Variants in JAKMIP2 observed in about 807,000 individuals in gnomAD.
The protein encoded by JAKMIP2 is janus kinase and microtubule-interacting protein 2.
Under a neutral mutation model 115.0 loss-of-function variants are expected in JAKMIP2, and 25 were observed. That is an observed-to-expected ratio of 0.22 (90% CI 0.16 to 0.30). The LOEUF (loss-of-function observed/expected upper bound fraction) is 0.30, where lower values mean the gene tolerates loss of function less well. Among genes scored for constraint, JAKMIP2 ranks in the 10% least tolerant of loss-of-function variants. The pLI is 1.00. For synonymous variants in JAKMIP2, 334 were observed against 343.6 expected (o/e 0.97, Z 0.31); for missense variants, 642 against 957.6 (o/e 0.67, Z 4.35).
At chr5:147,637,861 C>T (rs1757698251) in intron 10 of JAKMIP2, among the ~76,000 whole-genome samples, 1 of 151,982 alleles carries the variant, frequency 6.6e-6, no homozygotes, top group South Asian at 2.1e-4. Context: ...ACTTTGTTGT[C>T]CTATGTGATT....
intron 21 of JAKMIP2, among the ~76,000 whole-genome samples, chr5:147,592,948 A>T (rs1468478941): frequency 6.6e-6 from 1 of 152,186 alleles, no homozygotes; most frequent in African/African-American, 2.4e-5. Context: ...GTCACAGAGG[A>T]GAACCTGTGG....
chr5:147,604,800 TTTATTATTATTATTATTATTA>T (rs145441560), intron 20 of JAKMIP2, among the ~76,000 whole-genome samples: 3 of 143,548 alleles, frequency 2.1e-5, no homozygotes, highest in South Asian at 2.3e-4. Flanking sequence ...GGCCAGACAT[TTTATTATTATTATTATTATTA>T]TTATTATTAT....
At chr5:147,770,336 A>G (rs149923684) in intron 1 of JAKMIP2, among the ~76,000 whole-genome samples, 2 of 152,184 alleles carry the variant, frequency 1.3e-5, no homozygotes, top group East Asian at 3.9e-4. Context: ...CCTGGGTCAG[A>G]GGTTCTAAAT....
At chr5:147,629,771 G>C (rs752902869) in intron 14 of JAKMIP2, 25 bp from the exon 15 acceptor site, 5 of 1,603,028 alleles carry the variant, frequency 3.1e-6, no homozygotes, top group South Asian at 1.1e-5. Flanking sequence ...AGAAACTCAT[G>C]TCAAAGACAA....
At chr5:147,690,584 T>TATATACAC (rs1491521047) in intron 1 of JAKMIP2, among the ~76,000 whole-genome samples, 1 of 98,356 alleles carries the variant, frequency 1.0e-5, no homozygotes, top group African/African-American at 3.2e-5. Context: ...TATATATATA[T>TATATACAC]GCACATATGC....
rs889926869 is a variant in JAKMIP2 at position 147,588,047 on chromosome 5, A to C, written c.*3660T>G. 2 of 152,110 alleles carry C rather than the reference A, an allele frequency of 1.3e-5. No homozygotes were observed. The highest frequency in any genetic ancestry group is 6.5e-5 in the Admixed American group (1 of 15,270). 9.4% of individuals were successfully genotyped at this position (152,110 alleles called of 1,614,324 possible). The stretch of plus-strand genomic sequence containing the variant: ...ATATAGCATAAGTCAGAAGGGTTGT[A>C]ATTTTTTTCAGCAAATTCTATTTCC... On this transcript the variant is annotated 3_prime_UTR_variant, in exon 22 of 22. Coordinates refer to ENST00000616793, the MANE Select transcript of JAKMIP2 (RefSeq NM_001270941.2).
intron 20 of JAKMIP2, among the ~76,000 whole-genome samples, chr5:147,603,153 G>A (rs1378440658): frequency 6.6e-6 from 1 of 152,150 alleles, no homozygotes; most frequent in Non-Finnish European, 1.5e-5. Context: ...GTGGTGGGCA[G>A]ATCATGCCAT....
chr5:147,775,558 T>A (rs1229992670), intron 1 of JAKMIP2, among the ~76,000 whole-genome samples: 2 of 152,250 alleles, frequency 1.3e-5, no homozygotes, highest in African/African-American at 4.8e-5. Flanking sequence ...TTACTTATAT[T>A]GTAGCATGTA....
intron 1 of JAKMIP2, among the ~76,000 whole-genome samples, chr5:147,773,299 A>G (rs186416034): frequency 6.6e-6 from 1 of 152,276 alleles, no homozygotes; most frequent in Non-Finnish European, 1.5e-5. Flanking sequence ...TTCGTTGGTC[A>G]AACAGCACTT....
At chr5:147,778,086 T>C (rs1490767886) in intron 1 of JAKMIP2, among the ~76,000 whole-genome samples, 1 of 152,048 alleles carries the variant, frequency 6.6e-6, no homozygotes. Flanking sequence ...GGAATTTTAA[T>C]CAGATCCTAA....
Position 147,671,700 on chromosome 5 carries a change from T to G in JAKMIP2, c.107A>C (p.Glu36Ala), listed in dbSNP as rs912119548. The change falls in exon 2 of 22, where the codon GAG becomes GCG. Residue 36 changes from glutamate to alanine, a missense_variant. Transcript: ENST00000616793. ...LRTKLTDIQIELHQEKSKVSK... is the reference protein window; with the variant it reads ...LRTKLTDIQIALHQEKSKVSK... ...CACCTTGGACTTCTCTTGATGCAGC[T>G]CTATCTGAATGTCTGTGAGCTTGGT... The G allele has an allele frequency of 2.6e-6, 4 of 1,549,378 alleles. No homozygotes were observed. The highest frequency in any genetic ancestry group is 2.6e-6 in the Non-Finnish European group (3 of 1,145,230).
Position 147,749,756 on chromosome 5 carries a change from A to T in JAKMIP2, c.-149+32700T>A, listed in dbSNP as rs143803012. On this transcript the variant is annotated intron_variant, in intron 1 of 21. Coordinates refer to ENST00000616793, the MANE Select transcript of JAKMIP2 (RefSeq NM_001270941.2). ...AAAAATATTTTGCATATATGCTAAC[A>T]CTTTAAATTATAATGGCAGGAGGCT... Among the ~76,000 whole-genome samples the T allele has an allele frequency of 3.2e-3, 494 of 152,346 alleles. 1 individual carries two copies. The highest frequency in any genetic ancestry group is 0.011 in the African/African-American group (476 of 41,574).
At chr5:147,740,736 G>C (rs77301106) in intron 1 of JAKMIP2, among the ~76,000 whole-genome samples, 1,900 of 152,238 alleles carry the variant, frequency 0.012, 50 homozygotes, top group African/African-American at 0.044. Flanking sequence ...TTCATAACCA[G>C]AGCTTAGCAT....
intron 3 of JAKMIP2, among the ~76,000 whole-genome samples, chr5:147,652,507 A>C (rs1258157592): frequency 4.6e-5 from 7 of 152,174 alleles, no homozygotes; most frequent in Non-Finnish European, 8.8e-5. Flanking sequence ...TTTTCTAGAC[A>C]GAACAACTCC....
chr5:147,614,027 T>C (rs975083538), intron 19 of JAKMIP2, among the ~76,000 whole-genome samples: 1 of 152,222 alleles, frequency 6.6e-6, no homozygotes, highest in African/African-American at 2.4e-5. Context: ...TATTTCCACC[T>C]TGAGTGTTCA....
At chr5:147,682,225 G>T (rs942950943) in intron 1 of JAKMIP2, among the ~76,000 whole-genome samples, 9 of 152,090 alleles carry the variant, frequency 5.9e-5, no homozygotes, top group African/African-American at 2.4e-5. Flanking sequence ...AGACATACTG[G>T]CAAAAGTTTT....
intron 20 of JAKMIP2, among the ~76,000 whole-genome samples, chr5:147,602,223 C>T (rs7447099): frequency 0.95 from 144,828 of 152,260 alleles, 69,286 homozygotes; most frequent in East Asian, 1. Flanking sequence ...ACACAAAATA[C>T]GATCAGAACA....
intron 1 of JAKMIP2, among the ~76,000 whole-genome samples, chr5:147,735,130 G>A (rs1227701789): frequency 6.6e-6 from 1 of 152,060 alleles, no homozygotes; most frequent in Non-Finnish European, 1.5e-5. Flanking sequence ...TTTCTCTCCT[G>A]CCAGACTTCA....
rs1055544254 is a variant in JAKMIP2 at position 147,586,942 on chromosome 5, T to A, written c.*4765A>T. 6.6e-6 allele frequency: 1 copy of A among 152,134 alleles called. No individual in the cohort carries two copies. The highest frequency in any genetic ancestry group is 1.5e-5 in the Non-Finnish European group (1 of 68,038). 9.4% of individuals were successfully genotyped at this position (152,134 alleles called of 1,614,324 possible). ...AGGAAGAACTAAACCGCCAAACTAA[T>A]GACAGCAAAGGATTGTGAATCTGCC... On this transcript the variant is annotated 3_prime_UTR_variant, in exon 22 of 22. Coordinates refer to ENST00000616793, the MANE Select transcript of JAKMIP2 (RefSeq NM_001270941.2).
Sources: allele counts gnomAD v4.1 joint callset (sites outside exome capture counted in the v4.1 genomes callset), GRCh38; gene constraint gnomAD v4.1.1; transcripts MANE v1.5; gene names NCBI Gene and HGNC (gene_info 2026-07-23, HGNC 2026-07-21).